DOK5: variants seen among roughly 807,000 people sequenced by gnomAD.
DOK5 encodes the protein downstream of tyrosine kinase 5.
A neutral mutation model predicts 43.3 loss-of-function variants in DOK5; 27 were observed. The observed-to-expected ratio is 0.62, with a 90% CI of 0.46 to 0.86. The LOEUF (loss-of-function observed/expected upper bound fraction) is 0.86, where lower values mean the gene tolerates loss of function less well. Among genes scored for constraint, DOK5 ranks in the 40% least tolerant of loss-of-function variants. The pLI is 0.00. For missense variants in DOK5, 373 were observed against 392.9 expected, an observed-to-expected ratio of 0.95 and a Z score of 0.43; for synonymous variants, 146 against 140.1, an observed-to-expected ratio of 1.04 and a Z score of -0.30.
At chr20:54,478,188 T>A (rs1981511321) in intron 1 of DOK5, among the ~76,000 whole-genome samples, 2 of 152,222 alleles carry the variant, frequency 1.3e-5, no homozygotes, top group East Asian at 1.9e-4. Context: ...AGTTAATTTT[T>A]AAAATATTCT....
chr20:54,506,785 T>C (rs1366355081), intron 1 of DOK5, among the ~76,000 whole-genome samples: 2 of 152,218 alleles, frequency 1.3e-5, no homozygotes, highest in Admixed American at 6.5e-5. Context: ...GAATACCTGC[T>C]ATGTGGCAGC....
chr20:54,619,863 G>T (rs148283879), intron 6 of DOK5, among the ~76,000 whole-genome samples: 1 of 152,168 alleles, frequency 6.6e-6, no homozygotes, highest in African/African-American at 2.4e-5. Flanking sequence ...AGGCATCAAA[G>T]AAATCATAGA....
At chr20:54,517,688 A>C (rs552240132) in intron 1 of DOK5, among the ~76,000 whole-genome samples, 1 of 152,260 alleles carries the variant, frequency 6.6e-6, no homozygotes, top group African/African-American at 2.4e-5. Context: ...CCCGCTCCAA[A>C]TTTAAATGTG....
intron 6 of DOK5, among the ~76,000 whole-genome samples, chr20:54,628,640 C>T (rs531450396): frequency 2.0e-5 from 3 of 152,008 alleles, no homozygotes; most frequent in Non-Finnish European, 4.4e-5. Context: ...TCCAGAGGAA[C>T]TGGTTACTGC....
At chr20:54,606,412 G>T (rs1467942897) in intron 5 of DOK5, among the ~76,000 whole-genome samples, 2 of 152,150 alleles carry the variant, frequency 1.3e-5, no homozygotes, top group South Asian at 2.1e-4. Flanking sequence ...AGGAGGAATC[G>T]GGAGCAACAG....
intron 6 of DOK5, among the ~76,000 whole-genome samples, chr20:54,641,055 A>T (rs1299311295): frequency 6.6e-6 from 1 of 152,240 alleles, no homozygotes; most frequent in Non-Finnish European, 1.5e-5. Flanking sequence ...TGTACTCTAT[A>T]AATATGCATA....
chr20:54,605,108 TACACACAC>T (rs11471905), intron 5 of DOK5, among the ~76,000 whole-genome samples: 1 of 148,932 alleles, frequency 6.7e-6, no homozygotes, highest in African/African-American at 2.5e-5. Flanking sequence ...CCATATATTC[TACACACAC>T]ACACACACAC....
chr20:54,591,470 A>G (rs1985970875), intron 4 of DOK5, 146 bp from the exon 5 acceptor site: 2 of 569,358 alleles, frequency 3.5e-6, no homozygotes, highest in East Asian at 6.0e-5. Flanking sequence ...GGGACTGTTA[A>G]TTAATAGGAA....
At chr20:54,521,514 A>C (rs1983395670) in intron 1 of DOK5, among the ~76,000 whole-genome samples, 1 of 152,150 alleles carries the variant, frequency 6.6e-6, no homozygotes, top group African/African-American at 2.4e-5. Flanking sequence ...AAAGGATTCG[A>C]CTCAGGAACA....
In DOK5 at chr20:54,650,563, A is replaced by T. The variant is rs1875675905; in HGVS notation, c.*84A>T. 1 of 1,323,648 alleles carries T rather than the reference A, an allele frequency of 7.6e-7. No homozygotes were observed. The highest frequency in any genetic ancestry group is 1.9e-5 in the Admixed American group (1 of 53,044). The allele number at this position is 1,323,648 out of a possible 1,614,324, so 82.0% of individuals were successfully genotyped here. On this transcript the variant is annotated 3_prime_UTR_variant, in exon 8 of 8. Coordinates refer to ENST00000262593, the MANE Select transcript of DOK5 (RefSeq NM_018431.5). ...GAGGTCACAGAATGACAGCAAGGGA[A>T]ATGACGACCAAGAGAAGAAGCTTAA... is the stretch of plus-strand genomic sequence containing the variant.
At chr20:54,497,728 A>G (rs1982454364) in intron 1 of DOK5, among the ~76,000 whole-genome samples, 1 of 152,228 alleles carries the variant, frequency 6.6e-6, no homozygotes, top group African/African-American at 2.4e-5. Flanking sequence ...TCTAATAGTA[A>G]CTATGATAAA....
intron 2 of DOK5, among the ~76,000 whole-genome samples, chr20:54,585,825 C>T (rs142729879): frequency 5.9e-5 from 9 of 152,218 alleles, no homozygotes; most frequent in African/African-American, 1.9e-4. Flanking sequence ...ATGAGATAGT[C>T]TCTATAAAAA....
At chr20:54,492,686 TTGTGTGTGTGTG>T (rs34741362) in intron 1 of DOK5, among the ~76,000 whole-genome samples, 14 of 141,180 alleles carry the variant, frequency 9.9e-5, no homozygotes, top group South Asian at 2.3e-4. Flanking sequence ...GAGTGTGGCT[TTGTGTGTGTGTG>T]TGTGTGTGTG....
chr20:54,486,068 T>A (rs1834372842), intron 1 of DOK5, among the ~76,000 whole-genome samples: 1 of 152,248 alleles, frequency 6.6e-6, no homozygotes, highest in African/African-American at 2.4e-5. Context: ...CAGTCTTGTC[T>A]TGTCAGCCTA....
chr20:54,487,108 C>A (rs943626382), intron 1 of DOK5, among the ~76,000 whole-genome samples: 1 of 152,156 alleles, frequency 6.6e-6, no homozygotes, highest in Non-Finnish European at 1.5e-5. Flanking sequence ...GATTATAAGA[C>A]TGGCCACAGT....
chr20:54,640,464 G>GC (rs1288407994), intron 6 of DOK5, among the ~76,000 whole-genome samples: 1 of 152,200 alleles, frequency 6.6e-6, no homozygotes, highest in East Asian at 1.9e-4. Context: ...ATGACTTCCT[G>GC]CGTCTTTTCT....
chr20:54,637,958 TA>T lies in DOK5; in HGVS notation c.736-5495del. ...TAACACGGTGAAACCCCGTCTCTAC[TA>T]AAAATACAAATAATCAGCCAGGCGT... On this transcript the variant is annotated intron_variant, in intron 6 of 7. Coordinates refer to ENST00000262593, the MANE Select transcript of DOK5 (RefSeq NM_018431.5). 1.3e-5 allele frequency among the ~76,000 whole-genome samples: 2 copies of T among 152,162 alleles called. 1 individual carries two copies. Among genetic ancestry groups the T allele is most frequent in the East Asian group, 3.9e-4 (2 of 5,158 alleles).
intron 1 of DOK5, among the ~76,000 whole-genome samples, chr20:54,550,002 G>C (rs1346577345): frequency 6.6e-6 from 1 of 152,104 alleles, no homozygotes; most frequent in Non-Finnish European, 1.5e-5. Flanking sequence ...CTGTTATTCA[G>C]ACATAAGCAA....
intron 2 of DOK5, among the ~76,000 whole-genome samples, chr20:54,569,203 G>A (rs890232043): frequency 6.6e-5 from 10 of 152,070 alleles, no homozygotes; most frequent in African/African-American, 2.4e-4. Context: ...TCAGGCTTCC[G>A]TAGGACACAT....
Sources: allele counts gnomAD v4.1 joint callset (sites outside exome capture counted in the v4.1 genomes callset), GRCh38; gene constraint gnomAD v4.1.1; transcripts MANE v1.5; gene names NCBI Gene and HGNC (gene_info 2026-07-23, HGNC 2026-07-21).